Variants in SUN5 observed in about 807,000 individuals in gnomAD.
SUN5 encodes the protein Sad1 and UNC84 domain containing 5.
In SUN5, 44 loss-of-function variants were observed where a neutral mutation model predicts 53.7. That is an observed-to-expected ratio of 0.82 (90% confidence interval 0.64 to 1.05). The LOEUF (loss-of-function observed/expected upper bound fraction) is 1.05, where lower values mean the gene tolerates loss of function less well. Among genes scored for constraint, SUN5 ranks in the 50% least tolerant of loss-of-function variants. The probability of loss-of-function intolerance (pLI) is 0.00; values close to 1 mark genes in which losing one functional copy is unlikely to be tolerated. For missense variants in SUN5, 433 were observed against 483.8 expected (o/e 0.90, Z 0.98); for synonymous variants, 166 against 179.8 (o/e 0.92, Z 0.62).
chr20:33,001,803 G>A (rs1266875753), intron 3 of SUN5, among the ~76,000 whole-genome samples: 1 of 151,646 alleles, frequency 6.6e-6, no homozygotes, highest in Non-Finnish European at 1.5e-5. Context: ...TGAGTAGCTG[G>A]GACTACAAGT....
chr20:33,001,440 G>A (rs766352387), intron 3 of SUN5, among the ~76,000 whole-genome samples, 162 bp from the exon 4 acceptor site: 4 of 152,114 alleles, frequency 2.6e-5, no homozygotes, highest in Non-Finnish European at 4.4e-5. Context: ...TTATGGGTAC[G>A]CACTAGCCTG....
intron 8 of SUN5, 147 bp from the exon 9 acceptor site, chr20:32,989,845 A>C: frequency 1.4e-6 from 1 of 697,046 alleles, no homozygotes; most frequent in Non-Finnish European, 2.5e-6. Context: ...TGGCTCTGTG[A>C]AAGCCCAGGT....
chr20:32,996,336 A>G lies in SUN5; in HGVS notation c.413T>C (p.Leu138Pro). Residue 138 changes from leucine (L) to proline (P), a missense_variant, in exon 7 of 13, where the codon CTG (leucine) becomes CCG (proline). By Grantham distance (98) the Leu-to-Pro change is moderately conservative. Coordinates refer to ENST00000356173, the MANE Select transcript of SUN5 (RefSeq NM_080675.4). ...AGATTCCTCTTACCTCAAGCTCTGC[A>G]GTGGACCATTTATGCTGTCATCCTG... The part of the protein sequence containing the change: ...VWQDDSINGP[L>P]QSLRLYQEKV... 4 of 1,613,522 alleles carry G rather than the reference A, an allele frequency of 2.5e-6. No homozygotes were observed. Among genetic ancestry groups the G allele is most frequent in the Non-Finnish European group, 3.4e-6 (4 of 1,179,582 alleles).
intron 3 of SUN5, among the ~76,000 whole-genome samples, chr20:33,001,772 G>T (rs769824418): frequency 6.7e-6 from 1 of 148,890 alleles, no homozygotes; most frequent in African/African-American, 2.5e-5. Context: ...AAGTTCAAGC[G>T]ATTCTCTTGC....
chr20:33,000,124 A>G lies in SUN5; in HGVS notation c.290T>C (p.Leu97Pro), dbSNP rs745594083. The change falls in exon 5 of 13, where the codon CTG (leucine) becomes CCG (proline). Residue 97 changes from leucine to proline, a missense_variant. Coordinates refer to ENST00000356173, the MANE Select transcript of SUN5 (RefSeq NM_080675.4). ...VLFNTCRCKL[L>P]CQKLMEKTGI... ...TGTCTTCTCCATGAGCTTCTGGCAC[A>G]GCAGCTTGCATCTGGAAGGCAGGGA... 16 of 1,604,526 alleles carry G rather than the reference A, an allele frequency of 1.0e-5. No homozygotes were observed. The highest frequency in any genetic ancestry group is 1.1e-5 in the Non-Finnish European group (13 of 1,176,688).
intron 4 of SUN5, 125 bp from the exon 5 acceptor site, chr20:33,000,260 T>A: frequency 8.6e-7 from 1 of 1,164,478 alleles, no homozygotes; most frequent in South Asian, 1.6e-5. Context: ...CTCTCCCTGG[T>A]AAACGTGTCC....
chr20:32,998,158 G>C (rs1989901306), intron 5 of SUN5, among the ~76,000 whole-genome samples: 2 of 115,008 alleles, frequency 1.7e-5, no homozygotes, highest in African/African-American at 3.2e-5. Context: ...GGCCAATGTG[G>C]TGAAACCCCA....
intron 11 of SUN5, 111 bp downstream of exon 11, chr20:32,985,625 C>T (rs1989515134): frequency 1.5e-6 from 2 of 1,359,798 alleles, no homozygotes; most frequent in African/African-American, 1.5e-5. Context: ...CTGCATTCAG[C>T]CCCTCCAGCC....
At position 32,986,106 on chromosome 20, in the gene SUN5, G is replaced by T. The variant is rs1443758558; in HGVS notation, c.730-203C>A. On this transcript the variant is annotated intron_variant, in intron 10 of 12. Coordinates refer to ENST00000356173, the MANE Select transcript of SUN5 (RefSeq NM_080675.4). ...CTTACTTCAGTTCAATGCAGTAAGG[G>T]AGGGGCCTGCTTGGGACCTCCCAGC... is the stretch of plus-strand genomic sequence containing the variant. Among the ~76,000 whole-genome samples, 5 of 152,184 alleles carry T rather than the reference G, an allele frequency of 3.3e-5. No individual in the cohort carries two copies. The East Asian group carries it at 9.6e-4, about 29-fold the overall frequency.
intron 5 of SUN5, among the ~76,000 whole-genome samples, chr20:32,998,214 C>A (rs4911279): frequency 0.34 from 49,938 of 147,582 alleles, 9,272 homozygotes; most frequent in East Asian, 0.79. Flanking sequence ...AAAATTAGCC[C>A]GGTGTGGTGC....
chr20:32,989,404 G>A (rs911575599), intron 9 of SUN5, among the ~76,000 whole-genome samples: 2 of 151,304 alleles, frequency 1.3e-5, no homozygotes, highest in Non-Finnish European at 2.9e-5. Context: ...GTGGATTCCC[G>A]TGTTCCCTCC....
chr20:32,994,658 G>A (rs1056844923), intron 8 of SUN5, among the ~76,000 whole-genome samples: 9 of 152,182 alleles, frequency 5.9e-5, no homozygotes, highest in African/African-American at 2.2e-4. Flanking sequence ...TAGCACTTTA[G>A]GAGGCTGAGG....
chr20:32,987,891 T>C, intron 9 of SUN5, 116 bp from the exon 10 acceptor site: 1 of 692,506 alleles, frequency 1.4e-6, no homozygotes, highest in African/African-American at 1.8e-5. Context: ...TCACTGGCCC[T>C]GTTCTCCTCT....
Position 32,983,783 on chromosome 20 carries a change from A to C in SUN5, c.*11T>G. ...GACACTCAGACTTGGTCTGGGGGTA[A>C]AGAATAAATTTTAATCTCTCTTAGG... is the stretch of plus-strand genomic sequence containing the variant. On this transcript the variant is annotated 3_prime_UTR_variant, in exon 13 of 13. Coordinates refer to ENST00000356173, the MANE Select transcript of SUN5 (RefSeq NM_080675.4). The C allele has an allele frequency of 1.4e-6, 2 of 1,459,460 alleles. No homozygotes were observed. Among genetic ancestry groups the C allele is most frequent in the Non-Finnish European group, 1.8e-6 (2 of 1,099,100 alleles). 90.4% of individuals were successfully genotyped at this position (1,459,460 alleles called of 1,614,324 possible).
At chr20:32,989,518 C>T in intron 9 of SUN5, 102 bp downstream of exon 9, 1 of 875,748 alleles carries the variant, frequency 1.1e-6, no homozygotes. Flanking sequence ...GGATGAACTT[C>T]CCAGCGGCAG....
rs904593964 is a variant in SUN5, at chr20:32,985,162, C to A, written c.921G>T (p.Glu307Asp). The stretch of plus-strand genomic sequence containing the variant: ...ACTGAAATGCCCCCAGGAACACCTC[C>A]TCCTTGGGGGAGCCCTCCATGCCCT... ...VIYGMEGSPKEEVFLGAFQFQ... is the reference protein window; with the variant it reads ...VIYGMEGSPKDEVFLGAFQFQ... Residue 307 changes from glutamate to aspartate, a missense_variant, in exon 12 of 13, where the codon GAG becomes GAT. Transcript: ENST00000356173. The A allele has an allele frequency of 6.2e-7, 1 of 1,613,966 alleles. No individual in the cohort carries two copies. Among genetic ancestry groups the A allele is most frequent in the Non-Finnish European group, 8.5e-7 (1 of 1,179,984 alleles).
chr20:32,995,656 A>G lies in SUN5; in HGVS notation c.497T>C (p.Ile166Thr), dbSNP rs755588754. 2 of 1,614,160 alleles carry G rather than the reference A, an allele frequency of 1.2e-6. No individual in the cohort carries two copies. Among genetic ancestry groups the G allele is most frequent in the Non-Finnish European group, 8.5e-7 (1 of 1,180,004 alleles). Reference protein sequence around the residue: ...QDLRGSMNQLIAKLQEMEAMS... With the variant: ...QDLRGSMNQLTAKLQEMEAMS... ...GGCTTCCATCTCCTGGAGCTTGGCA[A>G]TGAGCTGGTTCATGCTACCTCGGAG... Residue 166 changes from isoleucine (I) to threonine (T), a missense_variant, in exon 8 of 13, where the codon ATT becomes ACT. Physicochemically the swap from Ile to Thr is moderately conservative, Grantham distance 89. Transcript: ENST00000356173.
chr20:32,993,662 C>T (rs878885403), intron 8 of SUN5, among the ~76,000 whole-genome samples: 5 of 152,198 alleles, frequency 3.3e-5, no homozygotes, highest in East Asian at 3.9e-4. Flanking sequence ...GGGAGGGCAC[C>T]GCAAAACACA....
At chr20:32,998,907 C>T (rs966874758) in intron 5 of SUN5, among the ~76,000 whole-genome samples, 3 of 151,890 alleles carry the variant, frequency 2.0e-5, no homozygotes, top group Non-Finnish European at 2.9e-5. Context: ...TGATGGTGCA[C>T]GCTTATAGTC....
Sources: allele counts gnomAD v4.1 joint callset (sites outside exome capture counted in the v4.1 genomes callset), GRCh38; gene constraint gnomAD v4.1.1; transcripts MANE v1.5; gene names NCBI Gene and HGNC (gene_info 2026-07-23, HGNC 2026-07-21).